Variants in BRD3 observed in about 807,000 individuals in gnomAD.
BRD3 encodes bromodomain containing 3.
BRD3 carries 17 observed loss-of-function variants against 66.8 expected under a neutral mutation model. The ratio of observed to expected loss-of-function variants is 0.25; its 90% confidence interval spans 0.17 to 0.38. The LOEUF (loss-of-function observed/expected upper bound fraction) is 0.38. BRD3 is among the 10% of genes least tolerant of loss of function. The pLI is 1.00. For missense variants in BRD3, 713 were observed against 956.1 expected, an observed-to-expected ratio of 0.75 and a Z score of 3.35; for synonymous variants, 421 against 393.2, an observed-to-expected ratio of 1.07 and a Z score of -0.84.
chr9:134,050,652 T>C (rs1227560206), intron 4 of BRD3, 64 bp from the exon 5 acceptor site: 25 of 1,361,944 alleles, frequency 1.8e-5, no homozygotes, highest in East Asian at 7.0e-5. Context: ...AAGCTTCCAG[T>C]GCCACCCCTC....
chr9:134,065,436 GA>G (rs36113909), intron 1 of BRD3, among the ~76,000 whole-genome samples: 93,957 of 135,440 alleles, frequency 0.69, 31,905 homozygotes, highest in African/African-American at 0.79. Context: ...GAGGAGAAGA[GA>G]AAAAAAAAAA....
upstream of BRD3, chr9:134,068,154 C>T (rs1830713135): frequency 6.9e-6 from 1 of 143,930 alleles, no homozygotes. Flanking sequence ...CATGTCCCGG[C>T]CCCGCCGGCG....
chr9:134,034,855 G>C, intron 10 of BRD3, 26 bp from the exon 11 acceptor site: 1 of 1,609,746 alleles, frequency 6.2e-7, no homozygotes, highest in East Asian at 2.2e-5. Flanking sequence ...TGGGCACTCA[G>C]ACTGCAGAGC....
chr9:134,035,369 A>G lies in BRD3; in HGVS notation c.1937-540T>C, dbSNP rs1031882727. Among the ~76,000 whole-genome samples, 3 of 152,172 alleles carry G rather than the reference A, an allele frequency of 2.0e-5. No individual in the cohort carries two copies. The East Asian group carries it at 5.8e-4, about 29-fold the overall frequency. ...GGCCCATGCACACCCGAGAGGCCAC[A>G]TGCAAGTTCAAGTGAGCCCTGCACT... On this transcript the variant is annotated intron_variant, in intron 10 of 11. Coordinates refer to ENST00000303407, the MANE Select transcript of BRD3 (RefSeq NM_007371.4).
intron 1 of BRD3, among the ~76,000 whole-genome samples, chr9:134,064,141 C>A (rs1830598983): frequency 6.6e-6 from 1 of 152,204 alleles, no homozygotes; most frequent in Non-Finnish European, 1.5e-5. Context: ...ACGCACAGGT[C>A]CTGGCTCCAC....
rs141086928 is a variant in BRD3, at chr9:134,048,407, C to G, written c.762G>C (p.Ser254=). ...ACTCACTCCGGCTGGCAGTGATGGCCGACGTCGTGGGAGTGGTTGTGTCTG... is the reference window on the plus strand; with the variant it reads ...ACTCACTCCGGCTGGCAGTGATGGCGGACGTCGTGGGAGTGGTTGTGTCTG... ...RKADTTTPTT[S]AITASRSESP... The change falls in exon 6 of 12, where the codon TCG becomes TCC. Residue 254 remains serine, a synonymous_variant. Coordinates refer to ENST00000303407, the MANE Select transcript of BRD3 (RefSeq NM_007371.4). The G allele has an allele frequency of 2.5e-6, 4 of 1,598,442 alleles. No homozygotes were observed. The highest frequency in any genetic ancestry group is 3.4e-6 in the Non-Finnish European group (4 of 1,179,896).
intron 1 of BRD3, among the ~76,000 whole-genome samples, chr9:134,060,481 A>G (rs1301484452): frequency 6.6e-6 from 1 of 152,078 alleles, no homozygotes; most frequent in African/African-American, 2.4e-5. Flanking sequence ...AATCCCAGCT[A>G]TTCAGGAGGC....
Position 134,066,222 on chromosome 9 carries a change from T to C in BRD3, c.-114+1723A>G, listed in dbSNP as rs999710265. Among the ~76,000 whole-genome samples the C allele has an allele frequency of 2.0e-5, 3 of 152,168 alleles. No homozygotes were observed. The East Asian group carries it at 5.8e-4, about 29-fold the overall frequency. On this transcript the variant is annotated intron_variant, in intron 1 of 11. Transcript: ENST00000303407. ...TGCTGAGGCACCGGGCCTCTGAGGCTACCCGGAAGGTCAGAAAGAAATGCC... is the reference window on the plus strand; with the variant it reads ...TGCTGAGGCACCGGGCCTCTGAGGCCACCCGGAAGGTCAGAAAGAAATGCC...
chr9:134,048,102 A>G lies in BRD3; in HGVS notation c.1067T>C (p.Met356Thr). The G allele has an allele frequency of 6.3e-7, 1 of 1,587,236 alleles. No individual in the cohort carries two copies. Among genetic ancestry groups the G allele is most frequent in the South Asian group, 1.2e-5 (1 of 86,772 alleles). Residue 356 changes from methionine (M) to threonine (T), a missense_variant, in exon 6 of 12, where the codon ATG (methionine) becomes ACG (threonine). Transcript: ENST00000303407. ...ACGTACTTTCACGGTGCTGAGGTCC[A>G]TCGGGTGCTTGATGATGTCGTGGTA... The part of the protein sequence containing the change: ...HDYHDIIKHP[M>T]DLSTVKRKMD...
At position 134,040,118 on chromosome 9, in the gene BRD3, T is replaced by G. The variant is rs1183922095; in HGVS notation, c.1559A>C (p.Lys520Thr). The change falls in exon 9 of 12, where the codon AAG (lysine) becomes ACG (threonine). Residue 520 changes from lysine (K) to threonine (T), a missense_variant. Around this residue, in one of 5 missense-constraint regions of BRD3, gnomAD observed 418 missense variants for 609.3 expected, o/e 0.69. Transcript: ENST00000303407. ...KHKVKAEEEKKAKVAPPAKQA... is the reference protein window; with the variant it reads ...KHKVKAEEEKTAKVAPPAKQA... The stretch of plus-strand genomic sequence containing the variant: ...CTTGGCAGGCGGAGCCACCTTGGCC[T>G]TCTTCTCTTCCTCGGCCTTCACTTT... 1.7e-5 allele frequency: 26 copies of G among 1,574,522 alleles called. No individual in the cohort carries two copies. Among genetic ancestry groups the G allele is most frequent in the Non-Finnish European group, 2.2e-5 (25 of 1,160,876 alleles).
chr9:134,047,936 G>T, intron 6 of BRD3, 147 bp downstream of exon 6: 1 of 1,154,336 alleles, frequency 8.7e-7, no homozygotes, highest in Non-Finnish European at 1.2e-6. Context: ...CACAGCCGGC[G>T]CTGCGGGGGC....
intron 10 of BRD3, among the ~76,000 whole-genome samples, chr9:134,035,491 T>C (rs1477926005): frequency 6.6e-6 from 1 of 152,186 alleles, no homozygotes; most frequent in African/African-American, 2.4e-5. Flanking sequence ...GACTCGTTCC[T>C]GCCACTGACT....
At chr9:134,053,198 G>A (rs1270885903) in intron 2 of BRD3, 67 bp downstream of exon 2, 2 of 1,539,316 alleles carry the variant, frequency 1.3e-6, no homozygotes, top group African/African-American at 2.7e-5. Flanking sequence ...CAGGATGGGG[G>A]CAGCAGGAGG....
intron 1 of BRD3, among the ~76,000 whole-genome samples, chr9:134,062,877 C>T (rs1564561826): frequency 6.6e-6 from 1 of 152,212 alleles, no homozygotes. Flanking sequence ...CAGCACCTGG[C>T]CCTTTAGAGG....
Position 134,032,760 on chromosome 9 carries a change from AGG to A in BRD3, c.*828_*829del. 1 of 243,916 alleles carries A rather than the reference AGG, an allele frequency of 4.1e-6. No individual in the cohort carries two copies. The highest frequency in any genetic ancestry group is 7.9e-6 in the Non-Finnish European group (1 of 126,122). The allele number at this position is 243,916 out of a possible 1,614,324, so 15.1% of individuals were successfully genotyped here. A position where few individuals can be genotyped will look rare whatever the true frequency, so the allele number is the denominator to read the frequency against. ...CCAAGGGTGGCGCGGCAGCAGCAGC[AGG>A]GGCAGCGCTAGCCAGGCGGGGACTC... On this transcript the variant is annotated 3_prime_UTR_variant, in exon 12 of 12. Coordinates refer to ENST00000303407, the MANE Select transcript of BRD3 (RefSeq NM_007371.4).
chr9:134,039,974 T>C, intron 9 of BRD3, 60 bp downstream of exon 9: 1 of 1,528,656 alleles, frequency 6.5e-7, no homozygotes, highest in Non-Finnish European at 8.8e-7. Context: ...TGCTGCTACA[T>C]GAGCCCCCAT....
chr9:134,051,047 A>AT (rs1188398210), intron 4 of BRD3, among the ~76,000 whole-genome samples: 12 of 152,214 alleles, frequency 7.9e-5, no homozygotes, highest in African/African-American at 2.9e-4. Flanking sequence ...CAACACCTGC[A>AT]TGCCGGGTTC....
At chr9:134,034,101 G>A (rs941784333) in intron 11 of BRD3, among the ~76,000 whole-genome samples, 1 of 152,142 alleles carries the variant, frequency 6.6e-6, no homozygotes, top group Non-Finnish European at 1.5e-5. Context: ...GCCCTGTCTC[G>A]ACACTGGGCA....
chr9:134,041,983 T>C (rs1830059640), intron 7 of BRD3, 32 bp from the exon 8 acceptor site: 5 of 1,528,250 alleles, frequency 3.3e-6, no homozygotes. Context: ...CCTGAAGACA[T>C]GGGTGCCCAT....
Sources: gnomAD v4.1 joint callset for allele counts (sites outside exome capture counted in the v4.1 genomes callset) on GRCh38, gnomAD v4.1.1 for gene constraint, gnomAD v4.1.1 regional missense constraint, MANE v1.5 for transcripts, NCBI Gene and HGNC (gene_info 2026-07-23, HGNC 2026-07-21) for gene names.